KLF5: variants seen among roughly 807,000 people sequenced by gnomAD.
KLF5 encodes the protein KLF transcription factor 5.
KLF5 carries 9 observed loss-of-function variants against 36.9 expected under a neutral mutation model. The ratio of observed to expected loss-of-function variants is 0.24; its 90% confidence interval spans 0.15 to 0.43. KLF5 has a LOEUF of 0.43. Among genes scored for constraint, KLF5 ranks in the 20% least tolerant of loss-of-function variants. The pLI is 1.00. For missense variants in KLF5, 524 were observed against 599.5 expected (o/e 0.87, Z 1.31); for synonymous variants, 246 against 241.7 (o/e 1.02, Z -0.17).
At position 73,059,350 on chromosome 13, in the gene KLF5, T is replaced by G. The variant is rs1594391477; in HGVS notation, c.23T>G (p.Met8Arg). 4.9e-6 allele frequency: 7 copies of G among 1,419,718 alleles called. No individual in the cohort carries two copies. The highest frequency in any genetic ancestry group is 6.4e-6 in the Non-Finnish European group (7 of 1,088,242). The allele number at this position is 1,419,718 out of a possible 1,614,324, so 87.9% of individuals were successfully genotyped here. ...CCCATGGCTACAAGGGTGCTGAGCATGAGCGCCCGCCTGGGACCCGTGCCC... is the reference window on the plus strand; with the variant it reads ...CCCATGGCTACAAGGGTGCTGAGCAGGAGCGCCCGCCTGGGACCCGTGCCC... MATRVLS[M>R]SARLGPVPQP... Residue 8 changes from methionine (M) to arginine (R), a missense_variant, in exon 1 of 4, where the codon ATG (methionine) becomes AGG (arginine). Physicochemically the swap from Met to Arg is moderately conservative, Grantham distance 91. Coordinates refer to ENST00000377687, the MANE Select transcript of KLF5 (RefSeq NM_001730.5).
At position 73,059,468 on chromosome 13, in the gene KLF5, C is replaced by T; in HGVS notation, c.141C>T (p.Pro47=). The T allele has an allele frequency of 3.9e-6, 5 of 1,272,854 alleles. No homozygotes were observed. The highest frequency in any genetic ancestry group is 4.9e-6 in the Non-Finnish European group (5 of 1,010,112). 78.8% of individuals were successfully genotyped at this position (1,272,854 alleles called of 1,614,324 possible). A position where few individuals can be genotyped will look rare whatever the true frequency, so the allele number is the denominator to read the frequency against. ...ANPARDAALF[P]GEELKHAHHR... ...CGGCCCGCGACGCGGCGCTCTTCCC[C>T]GGCGAGGAGCTGAAGCACGCGCACC... The change falls in exon 1 of 4, where the codon CCC becomes CCT. Residue 47 remains proline (P), a synonymous_variant. Coordinates refer to ENST00000377687, the MANE Select transcript of KLF5 (RefSeq NM_001730.5).
chr13:73,074,275 T>A (rs1490734403), intron 3 of KLF5, among the ~76,000 whole-genome samples: 1 of 152,210 alleles, frequency 6.6e-6, no homozygotes, highest in African/African-American at 2.4e-5. Flanking sequence ...TGGTTAATCC[T>A]ACAACTTCCT....
At position 73,075,904 on chromosome 13, in the gene KLF5, C is replaced by T. The variant is rs1473651147; in HGVS notation, c.*18C>T. 11 of 1,520,974 alleles carry T rather than the reference C, an allele frequency of 7.2e-6. No homozygotes were observed. The highest frequency in any genetic ancestry group is 1.4e-5 in the African/African-American group (1 of 73,252). 94.2% of individuals were successfully genotyped at this position (1,520,974 alleles called of 1,614,324 possible). A position where few individuals can be genotyped will look rare whatever the true frequency, so the allele number is the denominator to read the frequency against. On this transcript the variant is annotated 3_prime_UTR_variant, in exon 4 of 4. Coordinates refer to ENST00000377687, the MANE Select transcript of KLF5 (RefSeq NM_001730.5). ...AGAACTGAGCACTGCCCGTGTGACC[C>T]GTTCCAGGTCCCCTGGGCTCCCTCA...
intron 3 of KLF5, among the ~76,000 whole-genome samples, chr13:73,064,970 C>T (rs956402579): frequency 2.6e-5 from 4 of 152,096 alleles, no homozygotes; most frequent in Non-Finnish European, 4.4e-5. Context: ...TTACTATTTG[C>T]GATTTTCTTA....
At position 73,076,059 on chromosome 13, in the gene KLF5, GTGTT is replaced by G. The variant is rs751591691; in HGVS notation, c.*176_*179del. The G allele has an allele frequency of 4.2e-5, 22 of 526,492 alleles. No homozygotes were observed. The Middle Eastern group carries it at 1.6e-3, about 38-fold the overall frequency. The allele number at this position is 526,492 out of a possible 1,614,324, so 32.6% of individuals were successfully genotyped here. ...GGGAATACATTGTATTAATACCAAA[GTGTT>G]TGGTCATTTTAAGAATCTGGAATGC... On this transcript the variant is annotated 3_prime_UTR_variant, in exon 4 of 4. Coordinates refer to ENST00000377687, the MANE Select transcript of KLF5 (RefSeq NM_001730.5).
intron 3 of KLF5, 97 bp from the exon 4 acceptor site, chr13:73,075,611 C>G: frequency 9.1e-7 from 1 of 1,094,610 alleles, no homozygotes; most frequent in Non-Finnish European, 1.3e-6. Flanking sequence ...TTTCGCTTGG[C>G]CAAGATTTTT....
chr13:73,062,652 A>C lies in KLF5; in HGVS notation c.1053A>C (p.Ser351=). 1 of 1,614,158 alleles carries C rather than the reference A, an allele frequency of 6.2e-7. No homozygotes were observed. The highest frequency in any genetic ancestry group is 1.7e-5 in the Admixed American group (1 of 60,020). Residue 351 remains serine (S), a synonymous_variant, in exon 2 of 4, where the codon TCA becomes TCC. Transcript: ENST00000377687. The part of the protein sequence containing the change: ...PNLPTTLPVN[S]QNIQPVRYNR... Reference sequence around the variant, plus strand: ...TACCCACCACCCTGCCAGTTAACTCACAAAACATCCAACCTGTCAGATACA... The same window carrying C: ...TACCCACCACCCTGCCAGTTAACTCCCAAAACATCCAACCTGTCAGATACA...
chr13:73,058,081 GTAAATAT>G (rs1209273693), upstream of KLF5, among the ~76,000 whole-genome samples: 5 of 152,188 alleles, frequency 3.3e-5, no homozygotes, highest in Admixed American at 2.6e-4. Context: ...TTTCTGCTTT[GTAAATAT>G]TAAAGTCCAT....
chr13:73,076,157 G>A lies in KLF5; in HGVS notation c.*271G>A, dbSNP rs2044759810. On this transcript the variant is annotated 3_prime_UTR_variant, in exon 4 of 4. Transcript: ENST00000377687. The stretch of plus-strand genomic sequence containing the variant: ...TGACAGGCAGCCACGTCTCAACATG[G>A]GTAAGGGGTGGGGGTGGAGGGGAGT... 1 of 303,202 alleles carries A rather than the reference G, an allele frequency of 3.3e-6. No individual in the cohort carries two copies. Among genetic ancestry groups the A allele is most frequent in the African/African-American group, 2.2e-5 (1 of 46,454 alleles). The allele number at this position is 303,202 out of a possible 1,614,324, so 18.8% of individuals were successfully genotyped here.
chr13:73,068,565 G>A (rs367652379), intron 3 of KLF5, among the ~76,000 whole-genome samples: 2 of 151,116 alleles, frequency 1.3e-5, no homozygotes, highest in African/African-American at 4.9e-5. Context: ...TTAGTCAGGC[G>A]TGGTGGCACA....
At chr13:73,067,170 T>C (rs1594396025) in intron 3 of KLF5, among the ~76,000 whole-genome samples, 1 of 152,352 alleles carries the variant, frequency 6.6e-6, no homozygotes. Context: ...TGCCTCATGA[T>C]GTCTACAAGG....
intron 3 of KLF5, among the ~76,000 whole-genome samples, chr13:73,069,949 T>A (rs1334914255): frequency 6.6e-6 from 1 of 152,176 alleles, no homozygotes; most frequent in Non-Finnish European, 1.5e-5. Context: ...ACCCAAGAAT[T>A]TGGCAGATAT....
chr13:73,071,299 C>T (rs1022138842), intron 3 of KLF5, among the ~76,000 whole-genome samples: 5 of 152,096 alleles, frequency 3.3e-5, no homozygotes, highest in African/African-American at 4.8e-5. Flanking sequence ...AGGAATTTCT[C>T]TTTTGTTGCT....
chr13:73,066,159 T>A (rs1167105686), intron 3 of KLF5, among the ~76,000 whole-genome samples: 1 of 152,202 alleles, frequency 6.6e-6, no homozygotes, highest in Non-Finnish European at 1.5e-5. Context: ...CTTGTTCATC[T>A]GGCTAAACCT....
intron 2 of KLF5, 72 bp from the exon 3 acceptor site, chr13:73,063,752 A>T: frequency 9.3e-7 from 1 of 1,070,180 alleles, no homozygotes; most frequent in Non-Finnish European, 1.4e-6. Context: ...GCCAGATTTT[A>T]AACACTGAAT....
intron 3 of KLF5, among the ~76,000 whole-genome samples, chr13:73,068,703 CAAAA>C (rs59878653): frequency 0.011 from 1,015 of 93,184 alleles, 14 homozygotes; most frequent in African/African-American, 0.042. Flanking sequence ...GACTCCATCT[CAAAA>C]AAAAAAAAAA....
chr13:73,072,618 C>T (rs576703348), intron 3 of KLF5, among the ~76,000 whole-genome samples: 72 of 152,266 alleles, frequency 4.7e-4, no homozygotes, highest in Non-Finnish European at 8.1e-4. Context: ...AAGTGGCAGA[C>T]CAGGATTCTT....
chr13:73,075,987 A>C lies in KLF5; in HGVS notation c.*101A>C. 2 of 974,868 alleles carry C rather than the reference A, an allele frequency of 2.1e-6. No homozygotes were observed. Among genetic ancestry groups the C allele is most frequent in the Non-Finnish European group, 2.9e-6 (2 of 698,492 alleles). The allele number at this position is 974,868 out of a possible 1,614,324, so 60.4% of individuals were successfully genotyped here. On this transcript the variant is annotated 3_prime_UTR_variant, in exon 4 of 4. Transcript: ENST00000377687. ...AACAAAAACAAACAAAAGCAAGAAA[A>C]CCACAACTAAAACTGGAAATGTATA...
upstream of KLF5, among the ~76,000 whole-genome samples, chr13:73,058,075 T>C (rs906473305): frequency 2.0e-5 from 3 of 152,258 alleles, no homozygotes; most frequent in African/African-American, 7.2e-5. Context: ...GCTAGGTTTC[T>C]GCTTTGTAAA....
Sources: allele counts gnomAD v4.1 joint callset (sites outside exome capture counted in the v4.1 genomes callset), GRCh38; gene constraint gnomAD v4.1.1; transcripts MANE v1.5; gene names NCBI Gene and HGNC (gene_info 2026-07-23, HGNC 2026-07-21).